The following ERC2 variants were observed in gnomAD, a reference collection of about 807,000 sequenced individuals.
ERC2 encodes the protein ELKS/RAB6-interacting/CAST family member 2, also known as ERC protein 2.
ERC2 carries 42 observed loss-of-function variants against 114.8 expected under a neutral mutation model. The observed-to-expected ratio is 0.37, with a 90% CI of 0.29 to 0.47. ERC2 has a LOEUF of 0.47. ERC2 is among the 20% of genes least tolerant of loss of function. ERC2 has a pLI of 0.99. For missense variants in ERC2, 939 were observed against 1,150.7 expected, an observed-to-expected ratio of 0.82 and a Z score of 2.66; for synonymous variants, 454 against 425.5, an observed-to-expected ratio of 1.07 and a Z score of -0.82.
chr3:56,250,415 G>T (rs1022865402), intron 3 of ERC2, among the ~76,000 whole-genome samples: 1 of 152,192 alleles, frequency 6.6e-6, no homozygotes, highest in African/African-American at 2.4e-5. Context: ...AATGTCCTTG[G>T]AGTGCTATTT....
rs531926339 is a variant in ERC2 at position 56,204,467 on chromosome 3, A to C, written c.1075-30947T>G. ...AGTTTTTAATGTGACACAAACATTT[A>C]ATTAGATGCTTTTATTTTATTTTAT... On this transcript the variant is annotated intron_variant, in intron 3 of 17. Transcript: ENST00000288221. Among the ~76,000 whole-genome samples, 12 of 69,022 alleles carry C rather than the reference A, an allele frequency of 1.7e-4. No homozygotes were observed. The South Asian group carries it at 2.3e-3, about 13-fold the overall frequency. The allele number at this position is 69,022 out of a possible 152,430, so 45.3% of individuals were successfully genotyped here. A position where few individuals can be genotyped will look rare whatever the true frequency, so the allele number is the denominator to read the frequency against.
intron 2 of ERC2, among the ~76,000 whole-genome samples, chr3:56,374,522 T>C (rs1001519307): frequency 3.3e-5 from 5 of 152,210 alleles, no homozygotes; most frequent in Admixed American, 3.3e-4. Context: ...AGTATACCAT[T>C]TAATTTATTC....
intron 13 of ERC2, among the ~76,000 whole-genome samples, chr3:55,907,387 A>G (rs549224759): frequency 6.6e-6 from 1 of 152,322 alleles, no homozygotes; most frequent in African/African-American, 2.4e-5. Context: ...CCTGCTGCAC[A>G]GGGCTCTTGT....
At chr3:56,330,576 T>G (rs2057563984) in intron 2 of ERC2, among the ~76,000 whole-genome samples, 1 of 152,186 alleles carries the variant, frequency 6.6e-6, no homozygotes, top group African/African-American at 2.4e-5. Context: ...GGATTTCAAC[T>G]TAATTACAGT....
chr3:55,617,129 G>A (rs1418653066), intron 17 of ERC2, among the ~76,000 whole-genome samples: 3 of 152,180 alleles, frequency 2.0e-5, no homozygotes, highest in East Asian at 3.9e-4. Flanking sequence ...AGAACTCAGA[G>A]GGACCAGAGG....
intron 10 of ERC2, among the ~76,000 whole-genome samples, chr3:56,003,548 T>C (rs1390035710): frequency 3.9e-5 from 6 of 152,134 alleles, no homozygotes; most frequent in African/African-American, 1.4e-4. Flanking sequence ...AACGTTATCA[T>C]TGAATTTATA....
intron 17 of ERC2, among the ~76,000 whole-genome samples, chr3:55,654,105 C>T (rs2060759211): frequency 6.6e-6 from 1 of 152,202 alleles, no homozygotes; most frequent in African/African-American, 2.4e-5. Flanking sequence ...GAAGGCTTGC[C>T]CCAACCCAGC....
At position 56,173,435 on chromosome 3, in the gene ERC2, A is replaced by C. The variant is rs1214113125; in HGVS notation, c.1149+11T>G. 1 of 1,613,380 alleles carries C rather than the reference A, an allele frequency of 6.2e-7. No homozygotes were observed. The highest frequency in any genetic ancestry group is 1.3e-5 in the African/African-American group (1 of 74,938). On this transcript the variant is annotated intron_variant, in intron 4 of 17. Transcript: ENST00000288221. The stretch of plus-strand genomic sequence containing the variant: ...GCATAACTGTTTCTGACAAAAGTGC[A>C]CAGTTCCTACCTTCATTTCGATGAC...
intron 3 of ERC2, among the ~76,000 whole-genome samples, chr3:56,225,244 T>C (rs1355622642): frequency 1.3e-5 from 2 of 150,678 alleles, no homozygotes; most frequent in African/African-American, 4.9e-5. Flanking sequence ...GGGGAAAAAA[T>C]GAAAAAAGGG....
chr3:56,130,613 T>C (rs1203905402), intron 6 of ERC2, among the ~76,000 whole-genome samples: 1 of 152,174 alleles, frequency 6.6e-6, no homozygotes, highest in Admixed American at 6.5e-5. Flanking sequence ...TAGAACAAAA[T>C]GATGCCTGTA....
At chr3:55,934,607 G>T (rs2149409676) in intron 13 of ERC2, among the ~76,000 whole-genome samples, 1 of 152,256 alleles carries the variant, frequency 6.6e-6, no homozygotes, top group South Asian at 2.1e-4. Flanking sequence ...AATGAAAAGA[G>T]ATGGCCACTG....
intron 12 of ERC2, 73 bp from the exon 13 acceptor site, chr3:55,950,633 A>G: frequency 1.3e-6 from 2 of 1,535,034 alleles, no homozygotes; most frequent in Non-Finnish European, 1.8e-6. Context: ...TAGATTCAGG[A>G]AGTACTAAGT....
intron 5 of ERC2, 63 bp downstream of exon 5, chr3:56,148,914 G>T: frequency 1.4e-6 from 2 of 1,451,422 alleles, no homozygotes; most frequent in Middle Eastern, 1.8e-4. Flanking sequence ...GAAAAAGTAT[G>T]TATGTAAACT....
At chr3:56,182,157 C>A (rs2083324934) in intron 3 of ERC2, among the ~76,000 whole-genome samples, 1 of 152,226 alleles carries the variant, frequency 6.6e-6, no homozygotes, top group Admixed American at 6.5e-5. Context: ...GTCTAACATT[C>A]CATACACTCA....
intron 3 of ERC2, among the ~76,000 whole-genome samples, chr3:56,212,815 G>C (rs1199851918): frequency 2.1e-5 from 3 of 143,556 alleles, no homozygotes; most frequent in Admixed American, 2.1e-4. Context: ...ACACACACAT[G>C]CACATGCACA....
intron 17 of ERC2, among the ~76,000 whole-genome samples, chr3:55,617,677 T>C (rs933287849): frequency 1.3e-5 from 2 of 152,200 alleles, no homozygotes; most frequent in Non-Finnish European, 2.9e-5. Context: ...TGCCTGCCAC[T>C]TGAACATTTT....
chr3:55,894,443 A>T (rs892873962), intron 13 of ERC2, among the ~76,000 whole-genome samples: 9 of 152,178 alleles, frequency 5.9e-5, no homozygotes, highest in East Asian at 1.9e-4. Context: ...TGACTTTTTT[A>T]AAAAATGTTA....
At position 55,709,508 on chromosome 3, in the gene ERC2, G is replaced by A. The variant is rs185458653; in HGVS notation, c.2713-9996C>T. Among the ~76,000 whole-genome samples, 284 of 152,288 alleles carry A rather than the reference G, an allele frequency of 1.9e-3. 1 individual carries two copies. The highest frequency in any genetic ancestry group is 6.8e-3 in the Middle Eastern group (2 of 294). On this transcript the variant is annotated intron_variant, in intron 15 of 17. Transcript: ENST00000288221. ...AGGGAAGGGTAAAGCAAAGGAGAACGGACTGGGCAAGCAGAGGAGACTAGA... is the reference window on the plus strand; with the variant it reads ...AGGGAAGGGTAAAGCAAAGGAGAACAGACTGGGCAAGCAGAGGAGACTAGA...
chr3:56,294,364 A>G (rs940457597), intron 3 of ERC2, among the ~76,000 whole-genome samples: 4 of 152,252 alleles, frequency 2.6e-5, no homozygotes, highest in Non-Finnish European at 5.9e-5. Flanking sequence ...ACAGCCTGCA[A>G]TCAAGATGTC....
Sources: allele counts gnomAD v4.1 joint callset (sites outside exome capture counted in the v4.1 genomes callset), GRCh38; gene constraint gnomAD v4.1.1; transcripts MANE v1.5; gene names NCBI Gene and HGNC (gene_info 2026-07-23, HGNC 2026-07-21).